The following ADAMTSL1 variants were observed in gnomAD, a reference collection of about 807,000 sequenced individuals.
The protein encoded by ADAMTSL1 is ADAMTS like 1.
Under a neutral mutation model 201.8 loss-of-function variants are expected in ADAMTSL1, and 126 were observed. That is an observed-to-expected ratio of 0.62 (90% CI 0.54 to 0.72). The LOEUF is 0.72. Among genes scored for constraint, ADAMTSL1 ranks in the 30% least tolerant of loss-of-function variants. The pLI is 0.00. For synonymous variants in ADAMTSL1, 1,121 were observed against 903.4 expected (o/e 1.24, Z -4.32); for missense variants, 2,679 against 2,277.8 (o/e 1.18, Z -3.59).
intron 6 of ADAMTSL1, among the ~76,000 whole-genome samples, chr9:18,637,877 T>G (rs1011380353): frequency 8.5e-5 from 13 of 152,094 alleles, no homozygotes; most frequent in African/African-American, 2.9e-4. Context: ...GCTGTAAGCC[T>G]CTTGATAAAA....
chr9:17,929,047 C>T (rs1227270234), intron 1 of ADAMTSL1, among the ~76,000 whole-genome samples: 1 of 151,890 alleles, frequency 6.6e-6, no homozygotes, highest in African/African-American at 2.4e-5. Context: ...GAAGGAAAGG[C>T]TTGGATTACA....
chr9:18,076,739 G>A (rs1268436767), intron 1 of ADAMTSL1, among the ~76,000 whole-genome samples: 1 of 152,150 alleles, frequency 6.6e-6, no homozygotes, highest in Admixed American at 6.5e-5. Context: ...ATTTTGTTGA[G>A]TACATCGAGG....
chr9:18,681,701 G>GGGGA, intron 11 of ADAMTSL1, 111 bp from the exon 12 acceptor site: 1 of 470,098 alleles, frequency 2.1e-6, no homozygotes, highest in Non-Finnish European at 3.1e-6. Context: ...CTCGTGTGGG[G>GGGGA]GGGGGGGGCG....
At chr9:18,233,203 C>G (rs1480219388) in intron 2 of ADAMTSL1, among the ~76,000 whole-genome samples, 1 of 152,148 alleles carries the variant, frequency 6.6e-6, no homozygotes, top group Non-Finnish European at 1.5e-5. Context: ...CAGAGAGCAC[C>G]TTATATTTTC....
intron 1 of ADAMTSL1, among the ~76,000 whole-genome samples, chr9:18,050,250 A>G (rs934240676): frequency 1.3e-5 from 2 of 152,214 alleles, no homozygotes; most frequent in Admixed American, 6.5e-5. Context: ...AGATTTTGAT[A>G]TAACAAATTC....
intron 2 of ADAMTSL1, among the ~76,000 whole-genome samples, chr9:18,251,917 C>G (rs1318390415): frequency 2.0e-5 from 3 of 152,082 alleles, no homozygotes; most frequent in Non-Finnish European, 4.4e-5. Flanking sequence ...GACATAATGA[C>G]TATCCAACAC....
intron 1 of ADAMTSL1, among the ~76,000 whole-genome samples, chr9:18,147,739 G>T (rs911953156): frequency 6.6e-6 from 1 of 152,096 alleles, no homozygotes; most frequent in Non-Finnish European, 1.5e-5. Flanking sequence ...CTGTTATCTA[G>T]AGGCTGTTCC....
chr9:18,422,770 T>C (rs779781724), intron 2 of ADAMTSL1, among the ~76,000 whole-genome samples: 1 of 152,206 alleles, frequency 6.6e-6, no homozygotes, highest in Non-Finnish European at 1.5e-5. Flanking sequence ...ATGGCCTCTG[T>C]CACAGCCTTC....
chr9:18,406,923 G>A (rs182239234), intron 2 of ADAMTSL1, among the ~76,000 whole-genome samples: 1 of 152,136 alleles, frequency 6.6e-6, no homozygotes, highest in African/African-American at 2.4e-5. Context: ...TCTCAAGGAG[G>A]TTGTGAGAAT....
chr9:18,777,641 G>A lies in ADAMTSL1; in HGVS notation c.3412G>A (p.Val1138Met), dbSNP rs749388537. The change falls in exon 19 of 29, where the codon GTG becomes ATG. Residue 1138 changes from valine to methionine, a missense_variant. Coordinates refer to ENST00000380548, the MANE Select transcript of ADAMTSL1 (RefSeq NM_001040272.6). ...AGTGACTCTCTCGCCTCATAAACAC[G>A]TGTCTGGCTTCAGCAGCTCCCTGCG... ...SPVTLSPHKH[V>M]SGFSSSLRTS... The A allele has an allele frequency of 3.1e-6, 5 of 1,613,688 alleles. No individual in the cohort carries two copies. The South Asian group carries it at 4.4e-5, about 14-fold the overall frequency.
chr9:18,218,505 A>G (rs1025721504), intron 2 of ADAMTSL1, among the ~76,000 whole-genome samples: 1 of 152,204 alleles, frequency 6.6e-6, no homozygotes, highest in African/African-American at 2.4e-5. Flanking sequence ...AAGTAAACTG[A>G]TAAAGTCTTT....
intron 2 of ADAMTSL1, among the ~76,000 whole-genome samples, chr9:18,446,288 T>C (rs75884070): frequency 0.019 from 2,963 of 152,310 alleles, 65 homozygotes; most frequent in South Asian, 0.069. Flanking sequence ...TGTAGGAAGA[T>C]ATGCCTGGGG....
intron 23 of ADAMTSL1, among the ~76,000 whole-genome samples, chr9:18,852,729 A>G (rs1165491023): frequency 3.9e-5 from 6 of 152,242 alleles, no homozygotes. Context: ...ATCAAACCAC[A>G]TAACCTTAAT....
In ADAMTSL1 at chr9:18,528,354, G is replaced by A. The variant is rs141874028; in HGVS notation, c.192-4893G>A. 3.0e-3 allele frequency among the ~76,000 whole-genome samples: 451 copies of A among 152,054 alleles called. 2 individuals carry two copies. The highest frequency in any genetic ancestry group is 0.01 in the Middle Eastern group (3 of 294). On this transcript the variant is annotated intron_variant, in intron 2 of 28. Transcript: ENST00000380548. ...CTTTCTGGTACTCTCCCTCCCCACA[G>A]CCTCCCCAGGCCCCAGTGTGTGTTG...
At chr9:17,961,177 A>G (rs1233101776) in intron 1 of ADAMTSL1, among the ~76,000 whole-genome samples, 2 of 152,132 alleles carry the variant, frequency 1.3e-5, no homozygotes, top group Admixed American at 1.3e-4. Context: ...GTGGATTTGG[A>G]CAAGTTTTTA....
chr9:17,956,336 A>G (rs1827931075), intron 1 of ADAMTSL1, among the ~76,000 whole-genome samples: 1 of 152,150 alleles, frequency 6.6e-6, no homozygotes, highest in African/African-American at 2.4e-5. Flanking sequence ...TTGTTGTACT[A>G]CTTAGCATAA....
Position 18,136,654 on chromosome 9 carries a change from C to T in ADAMTSL1, c.88-27208C>T, listed in dbSNP as rs540851528. ...TGGAACATTAAATTGTGTCTACAAA[C>T]AAAAAAGAGAAGGAATGGCATTCCA... On this transcript the variant is annotated intron_variant, in intron 1 of 29. Coordinates refer to the ADAMTSL1 transcript ENST00000680146. 7.9e-5 allele frequency among the ~76,000 whole-genome samples: 12 copies of T among 151,582 alleles called. No homozygotes were observed. The South Asian group carries it at 2.5e-3, about 32-fold the overall frequency.
rs112245773 is a variant in ADAMTSL1 at position 18,324,411 on chromosome 9, A to ATT, written c.207+160445_207+160446dup. 7.7e-3 allele frequency among the ~76,000 whole-genome samples: 1,108 copies of ATT among 144,748 alleles called. 7 individuals carry two copies. The highest frequency in any genetic ancestry group is 9.8e-3 in the Non-Finnish European group (650 of 66,258). 95.0% of individuals were successfully genotyped at this position (144,748 alleles called of 152,430 possible). On this transcript the variant is annotated intron_variant, in intron 2 of 29. Transcript: ENST00000680146. ...TCATTGTGAAACAGAATACGCAAAG[A>ATT]TTTTTTTTTTTTTTTTACAGGGAGC...
chr9:18,226,140 C>A (rs149442877), intron 2 of ADAMTSL1, among the ~76,000 whole-genome samples: 1 of 151,990 alleles, frequency 6.6e-6, no homozygotes, highest in Admixed American at 6.6e-5. Flanking sequence ...GACAAAGATG[C>A]CATTTTTTGA....
Sources: gnomAD v4.1 joint callset for allele counts (sites outside exome capture counted in the v4.1 genomes callset) on GRCh38, gnomAD v4.1.1 for gene constraint, MANE v1.5 for transcripts, NCBI Gene and HGNC (gene_info 2026-07-23, HGNC 2026-07-21) for gene names.